The following HERPUD2 variants were observed in gnomAD, a reference collection of about 807,000 sequenced individuals.
HERPUD2 encodes the protein homocysteine-responsive endoplasmic reticulum-resident ubiquitin-like domain member 2 protein.
HERPUD2 carries 13 observed loss-of-function variants against 49.9 expected under a neutral mutation model. The ratio of observed to expected loss-of-function variants is 0.26; its 90% CI spans 0.17 to 0.41. The LOEUF is 0.41. Among genes scored for constraint, HERPUD2 ranks in the 10% least tolerant of loss-of-function variants. HERPUD2 has a pLI of 1.00. For missense variants in HERPUD2, 449 were observed against 492.2 expected (o/e 0.91, Z 0.83); for synonymous variants, 172 against 171.4 (o/e 1.00, Z -0.03).
intron 4 of HERPUD2, 101 bp downstream of exon 4, chr7:35,670,114 T>C: frequency 1.9e-6 from 1 of 523,908 alleles, no homozygotes; most frequent in East Asian, 3.0e-5. Flanking sequence ...ATTCACAAGC[T>C]CCAATTGTTC....
intron 3 of HERPUD2, among the ~76,000 whole-genome samples, chr7:35,670,769 T>A (rs537725141): frequency 6.6e-6 from 1 of 152,176 alleles, no homozygotes; most frequent in East Asian, 1.9e-4. Flanking sequence ...GCAAGGTGAT[T>A]TTTTTTACTC....
chr7:35,644,415 C>T (rs1040813367), intron 5 of HERPUD2, among the ~76,000 whole-genome samples: 3 of 151,984 alleles, frequency 2.0e-5, no homozygotes, highest in African/African-American at 7.2e-5. Context: ...AGAACAACTA[C>T]AGAAAGAGTA....
At chr7:35,650,916 C>T (rs936279987) in intron 5 of HERPUD2, among the ~76,000 whole-genome samples, 21 of 152,198 alleles carry the variant, frequency 1.4e-4, no homozygotes, top group African/African-American at 5.1e-4. Flanking sequence ...GCCAGCCTGG[C>T]CCAGTTCCAC....
intron 2 of HERPUD2, among the ~76,000 whole-genome samples, chr7:35,687,854 T>C: frequency 6.6e-6 from 1 of 152,206 alleles, no homozygotes; most frequent in African/African-American, 2.4e-5. Context: ...GTCACCTAGT[T>C]AGTATCAAAT....
intron 4 of HERPUD2, 66 bp from the exon 5 acceptor site, chr7:35,667,654 A>T: frequency 7.9e-7 from 1 of 1,265,824 alleles, no homozygotes; most frequent in Non-Finnish European, 1.1e-6. Context: ...TTACAGGCAC[A>T]TTACTAAAAA....
At chr7:35,679,690 GTC>G (rs1419186355) in intron 2 of HERPUD2, among the ~76,000 whole-genome samples, 1 of 152,144 alleles carries the variant, frequency 6.6e-6, no homozygotes, top group Non-Finnish European at 1.5e-5. Flanking sequence ...TTGCAAATTT[GTC>G]TCTCTGTCCA....
At chr7:35,643,320 A>C (rs969523166) in intron 5 of HERPUD2, among the ~76,000 whole-genome samples, 3 of 152,242 alleles carry the variant, frequency 2.0e-5, no homozygotes, top group Admixed American at 2.0e-4. Flanking sequence ...AAATATAACA[A>C]AAACATGAAG....
intron 4 of HERPUD2, chr7:35,668,581 G>A (rs910193621): frequency 1.3e-5 from 2 of 154,596 alleles, no homozygotes; most frequent in Admixed American, 6.6e-5. Context: ...CTTTTTGCAT[G>A]ACTCCCATGC....
chr7:35,682,815 A>G (rs1017344298), intron 2 of HERPUD2, among the ~76,000 whole-genome samples: 1 of 144,886 alleles, frequency 6.9e-6, no homozygotes, highest in Non-Finnish European at 1.5e-5. Context: ...AACCCCTTTT[A>G]CAACAGCTGC....
intron 5 of HERPUD2, among the ~76,000 whole-genome samples, chr7:35,647,360 C>T (rs1393178347): frequency 6.6e-6 from 1 of 152,116 alleles, no homozygotes; most frequent in Admixed American, 6.5e-5. Flanking sequence ...GCATTTTTTT[C>T]GAGGCCATGA....
intron 5 of HERPUD2, among the ~76,000 whole-genome samples, chr7:35,658,198 T>G (rs1642685985): frequency 6.6e-6 from 1 of 151,946 alleles, no homozygotes; most frequent in Non-Finnish European, 1.5e-5. Context: ...GCACTGGAGG[T>G]CATTATGTTA....
chr7:35,681,181 C>T (rs544424670), intron 2 of HERPUD2, among the ~76,000 whole-genome samples: 17 of 152,166 alleles, frequency 1.1e-4, no homozygotes, highest in African/African-American at 4.1e-4. Context: ...AGTATTTTTT[C>T]TTTAAATTAA....
At position 35,632,930 on chromosome 7, in the gene HERPUD2, A is replaced by G. The variant is rs1784802189; in HGVS notation, c.*760T>C. On this transcript the variant is annotated 3_prime_UTR_variant, in exon 9 of 9. Transcript: ENST00000311350. The stretch of plus-strand genomic sequence containing the variant: ...GATGCTACTAGCACATTTTAGGTAA[A>G]TAATATTCTTTATTAAAAACTATGA... The G allele has an allele frequency of 6.6e-6, 1 of 152,586 alleles. No homozygotes were observed. Among genetic ancestry groups the G allele is most frequent in the Admixed American group, 6.5e-5 (1 of 15,282 alleles). 9.5% of individuals were successfully genotyped at this position (152,586 alleles called of 1,614,324 possible).
intron 2 of HERPUD2, among the ~76,000 whole-genome samples, chr7:35,674,396 TATATATATAGAG>T (rs1785707601): frequency 1.7e-5 from 1 of 59,706 alleles, no homozygotes; most frequent in Non-Finnish European, 3.1e-5. Flanking sequence ...TATATATATA[TATATATATAGAG>T]AGAGAGAGAG....
At chr7:35,659,424 TATAA>T (rs1487961351) in intron 5 of HERPUD2, among the ~76,000 whole-genome samples, 3 of 152,228 alleles carry the variant, frequency 2.0e-5, no homozygotes, top group Admixed American at 1.3e-4. Flanking sequence ...CAGAGATGCT[TATAA>T]ATGTTTGCTG....
Position 35,646,321 on chromosome 7 carries a change from G to A in HERPUD2, c.495-7849C>T, listed in dbSNP as rs545577804. 4.6e-5 allele frequency among the ~76,000 whole-genome samples: 7 copies of A among 152,202 alleles called. No homozygotes were observed. In the South Asian group the frequency reaches 8.3e-4, roughly 18 times the overall value. Reference sequence around the variant, plus strand: ...TCAAGCCTATAATCCTAGCTACTTGGGAGGCTGAGATGGTAGGACTGCTTG... The same window carrying A: ...TCAAGCCTATAATCCTAGCTACTTGAGAGGCTGAGATGGTAGGACTGCTTG... On this transcript the variant is annotated intron_variant, in intron 5 of 8. Coordinates refer to ENST00000311350, the MANE Select transcript of HERPUD2 (RefSeq NM_022373.5).
chr7:35,679,746 T>C (rs1348567454), intron 2 of HERPUD2, among the ~76,000 whole-genome samples: 2 of 152,358 alleles, frequency 1.3e-5, no homozygotes, highest in South Asian at 2.1e-4. Flanking sequence ...CCAACTGCTA[T>C]GAGATTTGAC....
intron 5 of HERPUD2, among the ~76,000 whole-genome samples, chr7:35,643,933 G>T (rs140122373): frequency 1.3e-5 from 2 of 151,276 alleles, no homozygotes; most frequent in African/African-American, 4.8e-5. Flanking sequence ...CCCTAGTAGG[G>T]TAACTACTAA....
At chr7:35,667,387 T>C in intron 5 of HERPUD2, 47 bp downstream of exon 5, 1 of 1,557,730 alleles carries the variant, frequency 6.4e-7, no homozygotes, top group Non-Finnish European at 8.8e-7. Context: ...GCAATTCATT[T>C]TTAGGGGGCC....
Sources: allele counts gnomAD v4.1 joint callset (sites outside exome capture counted in the v4.1 genomes callset), GRCh38; gene constraint gnomAD v4.1.1; transcripts MANE v1.5; gene names NCBI Gene and HGNC (gene_info 2026-07-23, HGNC 2026-07-21).